Variants in MAF observed in about 807,000 individuals in gnomAD.
MAF encodes transcription factor Maf.
MAF carries 10 observed loss-of-function variants against 22.0 expected under a neutral mutation model. The ratio of observed to expected loss-of-function variants is 0.45; its 90% CI spans 0.28 to 0.77. The LOEUF (loss-of-function observed/expected upper bound fraction) is 0.77. Ranked by LOEUF, MAF falls within the 30% of genes least tolerant of loss-of-function variation. MAF has a pLI of 0.12. For synonymous variants in MAF, 337 were observed against 255.8 expected (o/e 1.32, Z -3.03); for missense variants, 544 against 548.4 (o/e 0.99, Z 0.08).
the MAF span, among the ~76,000 whole-genome samples, chr16:79,356,512 C>T: frequency 6.6e-6 from 1 of 152,158 alleles, no homozygotes; most frequent in Non-Finnish European, 1.5e-5. Context: ...TCTCCTCAAC[C>T]TTGTGACTCA....
chr16:79,579,906 G>C, the MAF span, among the ~76,000 whole-genome samples: 2 of 152,142 alleles, frequency 1.3e-5, no homozygotes, highest in African/African-American at 4.8e-5. Context: ...GAAACATCTT[G>C]CAGGAACCAC....
the MAF span, among the ~76,000 whole-genome samples, chr16:79,342,511 G>A: frequency 6.6e-6 from 1 of 151,894 alleles, no homozygotes; most frequent in Non-Finnish European, 1.5e-5. Flanking sequence ...AATTTCCTGG[G>A]CAGGTAATCA....
chr16:79,407,727 T>C, the MAF span, among the ~76,000 whole-genome samples: 3 of 152,074 alleles, frequency 2.0e-5, no homozygotes, highest in South Asian at 2.1e-4. Context: ...ATTATAAAAA[T>C]GGAACAAGCA....
At chr16:79,448,334 CAA>C in the MAF span, among the ~76,000 whole-genome samples, 1 of 151,292 alleles carries the variant, frequency 6.6e-6, no homozygotes, top group African/African-American at 2.4e-5. Context: ...CCCTCCATCC[CAA>C]AAAAGATTGT....
At chr16:79,597,184 C>T (rs1913583439) in intron 1 of MAF, 1 of 1,053,604 alleles carries the variant, frequency 9.5e-7, no homozygotes, top group African/African-American at 1.7e-5. Flanking sequence ...CAATTTAGTG[C>T]ATCAATCGTT....
At chr16:79,444,557 A>G in the MAF span, among the ~76,000 whole-genome samples, 1 of 152,180 alleles carries the variant, frequency 6.6e-6, no homozygotes, top group Non-Finnish European at 1.5e-5. Flanking sequence ...AGAATGAAAT[A>G]AGACAGGATG....
chr16:79,281,426 T>C, the MAF span, among the ~76,000 whole-genome samples: 4 of 152,076 alleles, frequency 2.6e-5, no homozygotes, highest in South Asian at 8.3e-4. Flanking sequence ...TAATACCAAA[T>C]ATTTAAGGTG....
At chr16:79,222,471 A>C in the MAF span, among the ~76,000 whole-genome samples, 1 of 152,220 alleles carries the variant, frequency 6.6e-6, no homozygotes, top group Non-Finnish European at 1.5e-5. Flanking sequence ...TGACAGGATC[A>C]AATTCACACA....
At chr16:79,594,592 C>T (rs769514147) in intron 1 of MAF, 39 bp from the exon 2 acceptor site, 2 of 1,550,484 alleles carry the variant, frequency 1.3e-6, no homozygotes, top group South Asian at 2.4e-5. Flanking sequence ...ACTATTTAGA[C>T]AAAGATCAAA....
the MAF span, among the ~76,000 whole-genome samples, chr16:79,540,296 G>C: frequency 6.6e-6 from 1 of 151,838 alleles, no homozygotes; most frequent in Admixed American, 6.6e-5. Context: ...GACACATCGA[G>C]ATTGCAGTTA....
chr16:79,526,981 C>T, the MAF span, among the ~76,000 whole-genome samples: 1 of 152,138 alleles, frequency 6.6e-6, no homozygotes, highest in African/African-American at 2.4e-5. Context: ...TTAATAATGG[C>T]TGTTTTTAAG....
chr16:79,413,343 C>T, the MAF span, among the ~76,000 whole-genome samples: 4 of 144,248 alleles, frequency 2.8e-5, no homozygotes, highest in Non-Finnish European at 6.0e-5. Context: ...CCCGGGTTCA[C>T]GCCATTCTCC....
At chr16:79,454,924 C>G in the MAF span, among the ~76,000 whole-genome samples, 5 of 151,830 alleles carry the variant, frequency 3.3e-5, no homozygotes, top group African/African-American at 1.2e-4. Flanking sequence ...TGGAGAAACC[C>G]CATCTTTACT....
chr16:79,452,472 T>C, the MAF span, among the ~76,000 whole-genome samples: 1 of 152,256 alleles, frequency 6.6e-6, no homozygotes, highest in South Asian at 2.1e-4. Flanking sequence ...GCATTTCCAC[T>C]GTGTGCATGC....
chr16:79,558,449 T>C, the MAF span, among the ~76,000 whole-genome samples: 6 of 152,228 alleles, frequency 3.9e-5, no homozygotes, highest in Admixed American at 3.3e-4. Context: ...CAAATGATCA[T>C]AGTTCAGTCC....
chr16:79,264,871 C>A, the MAF span, among the ~76,000 whole-genome samples: 2 of 152,270 alleles, frequency 1.3e-5, no homozygotes, highest in East Asian at 3.9e-4. Context: ...CTCCACCCCA[C>A]AGTTCCCAAA....
At chr16:79,424,300 G>A in the MAF span, among the ~76,000 whole-genome samples, 1 of 152,086 alleles carries the variant, frequency 6.6e-6, no homozygotes, top group Non-Finnish European at 1.5e-5. Context: ...GAAACAAAGT[G>A]ACATGGTAGA....
At chr16:79,594,917 C>G in intron 1 of MAF, 1 of 1,141,622 alleles carries the variant, frequency 8.8e-7, no homozygotes, top group South Asian at 3.0e-5. Flanking sequence ...CTTGTAGATT[C>G]CTATCAAAAT....
chr16:79,339,179 C>T, the MAF span, among the ~76,000 whole-genome samples: 1 of 152,266 alleles, frequency 6.6e-6, no homozygotes, highest in African/African-American at 2.4e-5. Flanking sequence ...ACGCCATTCT[C>T]CTGCCTCAGC....
Sources: allele counts gnomAD v4.1 joint callset (sites outside exome capture counted in the v4.1 genomes callset), GRCh38; gene constraint gnomAD v4.1.1; transcripts MANE v1.5; gene names NCBI Gene and HGNC (gene_info 2026-07-23, HGNC 2026-07-21).